CTTNBP2: variants seen among roughly 807,000 people sequenced by gnomAD.
CTTNBP2 encodes cortactin-binding protein 2.
A neutral mutation model predicts 156.9 loss-of-function variants in CTTNBP2; 108 were observed. That is an observed-to-expected ratio of 0.69 (90% CI 0.59 to 0.81). CTTNBP2 has a LOEUF of 0.81. Ranked by LOEUF, CTTNBP2 falls within the 30% of genes least tolerant of loss-of-function variation. The pLI is 0.00. For synonymous variants in CTTNBP2, 767 were observed against 751.8 expected, an observed-to-expected ratio of 1.02 and a Z score of -0.33; for missense variants, 1,924 against 2,035.4, an observed-to-expected ratio of 0.95 and a Z score of 1.05.
At position 117,792,503 on chromosome 7, in the gene CTTNBP2, G is replaced by C; in HGVS notation, c.693C>G (p.Leu231=). 1 of 1,614,166 alleles carries C rather than the reference G, an allele frequency of 6.2e-7. No homozygotes were observed. Among genetic ancestry groups the C allele is most frequent in the Non-Finnish European group, 8.5e-7 (1 of 1,180,028 alleles). ...GTTCCCGCTCAGTGTCAAACTCAGA[G>C]AGTTGTTTTTCCATCTGAGCTTCCA... is the stretch of plus-strand genomic sequence containing the variant. The part of the protein sequence containing the change: ...TEMEAQMEKQ[L]SEFDTEREQL... Residue 231 remains leucine, a synonymous_variant, in exon 4 of 23, where the codon CTC becomes CTG. Coordinates refer to ENST00000160373, the MANE Select transcript of CTTNBP2 (RefSeq NM_033427.3). This position sits in a 1 kb window ranked among gnomAD's most constrained non-coding sequence, Gnocchi z 4.2.
At chr7:117,867,952 T>G (rs1250969652) in intron 1 of CTTNBP2, among the ~76,000 whole-genome samples, 1 of 152,174 alleles carries the variant, frequency 6.6e-6, no homozygotes, top group African/African-American at 2.4e-5. Flanking sequence ...TAATTTTAGC[T>G]GAGAAAGCTG....
At chr7:117,754,480 C>T (rs781197096) in intron 12 of CTTNBP2, among the ~76,000 whole-genome samples, 1 of 152,218 alleles carries the variant, frequency 6.6e-6, no homozygotes, top group Non-Finnish European at 1.5e-5. Flanking sequence ...GTTTCTAAAA[C>T]ACCACCTGCA....
At chr7:117,802,596 AAAC>A (rs1453992154) in intron 3 of CTTNBP2, among the ~76,000 whole-genome samples, 2 of 152,166 alleles carry the variant, frequency 1.3e-5, no homozygotes, top group African/African-American at 4.8e-5. Context: ...CTCAATGAGT[AAAC>A]ACTCTAAAAG....
At chr7:117,832,921 T>C (rs1030304435) in intron 2 of CTTNBP2, among the ~76,000 whole-genome samples, 1 of 15,286 alleles carries the variant, frequency 6.5e-5, no homozygotes, top group Non-Finnish European at 1.2e-4. Flanking sequence ...TTTTTTTTCT[T>C]TTTTTTTGTA....
rs373832614 is a variant in CTTNBP2, at chr7:117,848,124, C to T, written c.189+13085G>A. Among the ~76,000 whole-genome samples, 132 of 152,144 alleles carry T rather than the reference C, an allele frequency of 8.7e-4. 1 individual carries two copies. The highest frequency in any genetic ancestry group is 3.0e-3 in the African/African-American group (123 of 41,500). On this transcript the variant is annotated intron_variant, in intron 2 of 22. Transcript: ENST00000160373. Reference sequence around the variant, plus strand: ...GAGCCACCACGCCTGGCCTGCCTAACCATATTTGAATACTTGTTCAGTCTA... The same window carrying T: ...GAGCCACCACGCCTGGCCTGCCTAATCATATTTGAATACTTGTTCAGTCTA...
chr7:117,858,348 C>T (rs1243707239), intron 2 of CTTNBP2, among the ~76,000 whole-genome samples: 1 of 152,006 alleles, frequency 6.6e-6, no homozygotes, highest in African/African-American at 2.4e-5. Flanking sequence ...CCAGCCTGGG[C>T]GACAGAGTGA....
At chr7:117,724,136 A>C (rs961608937) in intron 19 of CTTNBP2, among the ~76,000 whole-genome samples, 1 of 152,108 alleles carries the variant, frequency 6.6e-6, no homozygotes, top group Non-Finnish European at 1.5e-5. Context: ...ATTCACCTGG[A>C]AAGGCCTTAA....
intron 1 of CTTNBP2, among the ~76,000 whole-genome samples, chr7:117,864,960 C>CATTCAATATATATTCATATAT (rs1209049099): frequency 7.6e-5 from 11 of 145,594 alleles, no homozygotes; most frequent in African/African-American, 2.8e-4. Flanking sequence ...CATATATATT[C>CATTCAATATATATTCATATAT]ATTCAATATA....
At chr7:117,868,134 G>A (rs746672701) in intron 1 of CTTNBP2, among the ~76,000 whole-genome samples, 5 of 152,092 alleles carry the variant, frequency 3.3e-5, no homozygotes, top group African/African-American at 9.7e-5. Flanking sequence ...TCAGTTTTTC[G>A]ATGTGACATC....
At chr7:117,865,338 A>T (rs541806043) in intron 1 of CTTNBP2, among the ~76,000 whole-genome samples, 1 of 151,960 alleles carries the variant, frequency 6.6e-6, no homozygotes, top group African/African-American at 2.4e-5. Flanking sequence ...GCTATTTTTT[A>T]GTGATGAAAA....
chr7:117,789,936 C>T (rs1006628600), intron 4 of CTTNBP2, among the ~76,000 whole-genome samples: 1 of 152,164 alleles, frequency 6.6e-6, no homozygotes, highest in Non-Finnish European at 1.5e-5. Context: ...CTCTCAAAGA[C>T]CTTAATTTCA....
At chr7:117,833,339 C>T (rs1405906433) in intron 2 of CTTNBP2, among the ~76,000 whole-genome samples, 1 of 152,150 alleles carries the variant, frequency 6.6e-6, no homozygotes, top group Non-Finnish European at 1.5e-5. Context: ...GCATGCTTTG[C>T]CTCCTGTTTC....
chr7:117,816,583 T>A (rs1800588412), intron 2 of CTTNBP2, among the ~76,000 whole-genome samples: 2 of 152,152 alleles, frequency 1.3e-5, no homozygotes, highest in Non-Finnish European at 2.9e-5. Flanking sequence ...TAGCCTAATT[T>A]GGATTCAAGG....
intron 2 of CTTNBP2, among the ~76,000 whole-genome samples, chr7:117,840,038 C>T (rs555921899): frequency 1.5e-4 from 23 of 152,260 alleles, no homozygotes; most frequent in African/African-American, 5.5e-4. Context: ...TATATGTATG[C>T]ATGCACAAAT....
chr7:117,841,229 T>TA (rs1043261485), intron 2 of CTTNBP2, among the ~76,000 whole-genome samples: 1 of 152,108 alleles, frequency 6.6e-6, no homozygotes, highest in Admixed American at 6.6e-5. Context: ...TCTGAGCTGT[T>TA]AAAAAAATCA....
At chr7:117,820,107 C>G (rs1800866565) in intron 2 of CTTNBP2, among the ~76,000 whole-genome samples, 1 of 152,230 alleles carries the variant, frequency 6.6e-6, no homozygotes, top group South Asian at 2.1e-4. Flanking sequence ...TGTGGGAGCC[C>G]ATGCTCATTT....
At chr7:117,849,452 A>T (rs1264783222) in intron 2 of CTTNBP2, among the ~76,000 whole-genome samples, 14 of 152,306 alleles carry the variant, frequency 9.2e-5, no homozygotes, top group Middle Eastern at 3.4e-3. Flanking sequence ...CTTGGAGAAC[A>T]AAAGCCTCAG....
chr7:117,729,039 G>A (rs1188520834), intron 16 of CTTNBP2, among the ~76,000 whole-genome samples: 1 of 152,224 alleles, frequency 6.6e-6, no homozygotes, highest in Non-Finnish European at 1.5e-5. Flanking sequence ...AAGACCACAT[G>A]TAGAGGAAGG....
intron 10 of CTTNBP2, among the ~76,000 whole-genome samples, chr7:117,759,806 A>G (rs1325791469): frequency 2.0e-5 from 3 of 152,206 alleles, no homozygotes; most frequent in Non-Finnish European, 4.4e-5. Flanking sequence ...CAGATTTCCC[A>G]TAGAAGGTAG....
Sources: allele counts gnomAD v4.1 joint callset (sites outside exome capture counted in the v4.1 genomes callset), GRCh38; gene constraint gnomAD v4.1.1; non-coding constraint Gnocchi (gnomAD v3.1); transcripts MANE v1.5; gene names NCBI Gene and HGNC (gene_info 2026-07-23, HGNC 2026-07-21).